PACS2: variants seen among roughly 807,000 people sequenced by gnomAD.
PACS2 encodes the protein phosphofurin acidic cluster sorting protein 2.
Under a neutral mutation model 113.0 loss-of-function variants are expected in PACS2, and 36 were observed. The observed-to-expected ratio is 0.32, with a 90% CI of 0.24 to 0.42. PACS2 has a LOEUF of 0.42. Ranked by LOEUF, PACS2 falls within the 10% of genes least tolerant of loss-of-function variation. PACS2 has a pLI of 1.00. For missense variants in PACS2, 1,015 were observed against 1,239.5 expected (o/e 0.82, Z 2.72); for synonymous variants, 589 against 536.1 (o/e 1.10, Z -1.36).
At chr14:105,381,233 G>A (rs1398596949) in intron 12 of PACS2, 134 bp downstream of exon 12, 3 of 687,892 alleles carry the variant, frequency 4.4e-6, no homozygotes, top group African/African-American at 3.7e-5. Flanking sequence ...CAGATTCAGG[G>A]CCTCGTCCTT....
At chr14:105,353,675 C>G (rs943781731) in intron 3 of PACS2, among the ~76,000 whole-genome samples, 2 of 151,946 alleles carry the variant, frequency 1.3e-5, no homozygotes, top group Admixed American at 6.6e-5. Context: ...CTCACTGCAA[C>G]CTCCACCTCC....
At chr14:105,362,177 G>A (rs1392893704) in intron 4 of PACS2, among the ~76,000 whole-genome samples, 2 of 151,974 alleles carry the variant, frequency 1.3e-5, no homozygotes, top group Non-Finnish European at 2.9e-5. Context: ...CCAGCACTTT[G>A]GGAGGCCACG....
intron 15 of PACS2, 41 bp downstream of exon 15, chr14:105,382,954 C>A: frequency 8.4e-7 from 1 of 1,196,030 alleles, no homozygotes; most frequent in South Asian, 1.2e-5. Flanking sequence ...CCAAGTACCC[C>A]TCGGGGTCCC....
Position 105,389,154 on chromosome 14 carries a change from G to C in PACS2, c.2034-807G>C, listed in dbSNP as rs2141287770. On this transcript the variant is annotated intron_variant, in intron 19 of 24. Transcript: ENST00000447393. The stretch of plus-strand genomic sequence containing the variant: ...CTGCTTGAGCTGCACACGTCGGAGG[G>C]GAAGACAGACGGGTCCCCTCAGCGG... 2 of 152,480 alleles carry C rather than the reference G, an allele frequency of 1.3e-5. 1 individual carries two copies. Among genetic ancestry groups the C allele is most frequent in the South Asian group, 4.1e-4 (2 of 4,832 alleles). 9.4% of individuals were successfully genotyped at this position (152,480 alleles called of 1,614,324 possible).
intron 4 of PACS2, among the ~76,000 whole-genome samples, chr14:105,360,492 G>A (rs1465667014): frequency 1.3e-5 from 2 of 150,192 alleles, no homozygotes; most frequent in Non-Finnish European, 3.0e-5. Flanking sequence ...GCAGTGAGCC[G>A]AGATCACGCC....
At chr14:105,350,443 C>T (rs587697501) in intron 2 of PACS2, among the ~76,000 whole-genome samples, 10 of 152,284 alleles carry the variant, frequency 6.6e-5, no homozygotes, top group South Asian at 2.1e-4. Context: ...GTGTCTTGAC[C>T]GAGAGCTTGG....
rs2059279242 is a variant in PACS2, at chr14:105,330,777, A to G, written c.119+15740A>G. 6.6e-6 allele frequency among the ~76,000 whole-genome samples: 1 copy of G among 152,236 alleles called. No individual in the cohort carries two copies. The highest frequency in any genetic ancestry group is 2.1e-4 in the South Asian group (1 of 4,830). On this transcript the variant is annotated intron_variant, in intron 1 of 24. Coordinates refer to ENST00000447393, the MANE Select transcript of PACS2 (RefSeq NM_001100913.3). This position sits in a 1 kb window ranked among gnomAD's most constrained non-coding sequence, Gnocchi z 6.9. Reference sequence around the variant, plus strand: ...GCTTCCTGACGAGTGCCCTGTGGTCAGTCATTTCTGTCCTCGCCTTTACCT... The same window carrying G: ...GCTTCCTGACGAGTGCCCTGTGGTCGGTCATTTCTGTCCTCGCCTTTACCT...
At chr14:105,341,208 G>A (rs1555401514) in intron 1 of PACS2, among the ~76,000 whole-genome samples, 1 of 152,198 alleles carries the variant, frequency 6.6e-6, no homozygotes, top group East Asian at 1.9e-4. Flanking sequence ...GGGTTTTTGT[G>A]TCTCACTCTG....
In PACS2 at chr14:105,356,245, A is replaced by G. The variant is rs375576729; in HGVS notation, c.423+1068A>G. 9.9e-4 allele frequency among the ~76,000 whole-genome samples: 151 copies of G among 152,118 alleles called. No individual in the cohort carries two copies. The South Asian group carries it at 0.028, about 28-fold the overall frequency. On this transcript the variant is annotated intron_variant, in intron 4 of 24. Transcript: ENST00000447393. The surrounding 1 kb of genome is among the most constrained non-coding windows in gnomAD (Gnocchi z 4.0). Reference sequence around the variant, plus strand: ...CCCAGATCCTCACACACCCCCACTTACGCATCCAGGACAAGTGCCAAGTAC... The same window carrying G: ...CCCAGATCCTCACACACCCCCACTTGCGCATCCAGGACAAGTGCCAAGTAC...
At chr14:105,383,148 G>A in intron 15 of PACS2, 1 of 647,648 alleles carries the variant, frequency 1.5e-6, no homozygotes, top group Non-Finnish European at 2.7e-6. Context: ...GCCTGTCCTT[G>A]GAAGCCTGGG....
intron 14 of PACS2, 22 bp downstream of exon 14, chr14:105,382,603 G>C (rs1399030298): frequency 1.4e-6 from 2 of 1,435,078 alleles, no homozygotes; most frequent in Admixed American, 3.3e-5. Context: ...GTCTCTTGGA[G>C]TGGAGGGTCA....
At chr14:105,394,056 A>AAG (rs1273855602) in intron 24 of PACS2, among the ~76,000 whole-genome samples, 54 of 144,702 alleles carry the variant, frequency 3.7e-4, no homozygotes, top group African/African-American at 1.3e-3. Flanking sequence ...AAAAAAAAAA[A>AAG]GGGGTTTTGG....
In PACS2 at chr14:105,324,235, G is replaced by A. The variant is rs1462813215; in HGVS notation, c.119+9198G>A. On this transcript the variant is annotated intron_variant, in intron 1 of 24. Coordinates refer to ENST00000447393, the MANE Select transcript of PACS2 (RefSeq NM_001100913.3). This position sits in a 1 kb window ranked among gnomAD's most constrained non-coding sequence, Gnocchi z 4.7. ...GGTCGGGGGGCTGCTGCAGAGAGCG[G>A]GTCTGCGGTCAGTCACAGTGACGGG... 1.3e-5 allele frequency among the ~76,000 whole-genome samples: 2 copies of A among 152,182 alleles called. No individual in the cohort carries two copies. Among genetic ancestry groups the A allele is most frequent in the African/African-American group, 4.8e-5 (2 of 41,428 alleles).
rs1211717462 is a variant in PACS2 at position 105,355,567 on chromosome 14, G to A, written c.423+390G>A. The stretch of plus-strand genomic sequence containing the variant: ...TTCGTGTCTGCATCCTGCTCAGCAC[G>A]TGCTCTGGCCCAGGATTGGCTGAGC... On this transcript the variant is annotated intron_variant, in intron 4 of 24. Transcript: ENST00000447393. The surrounding 1 kb of genome is among the most constrained non-coding windows in gnomAD (Gnocchi z 4.1). Among the ~76,000 whole-genome samples, 2 of 152,352 alleles carry A rather than the reference G, an allele frequency of 1.3e-5. No homozygotes were observed. The highest frequency in any genetic ancestry group is 2.1e-4 in the South Asian group (1 of 4,830).
chr14:105,352,606 C>T (rs1197577796), intron 3 of PACS2, 139 bp downstream of exon 3: 28 of 575,788 alleles, frequency 4.9e-5, no homozygotes, highest in Admixed American at 1.2e-4. Context: ...ATCAGTGTCC[C>T]CTGGGGAGAC....
chr14:105,391,461 AAAACCGAGGAGAATCCGAGACCCTCC>A, intron 21 of PACS2, 144 bp from the exon 22 acceptor site: 1 of 701,906 alleles, frequency 1.4e-6, no homozygotes, highest in Non-Finnish European at 2.4e-6. Context: ...TTGTCTTCCA[AAAACCGAGGAGAATCCGAGACCCTCC>A]CGTCTCTCAC....
intron 4 of PACS2, among the ~76,000 whole-genome samples, chr14:105,360,048 G>A (rs782820197): frequency 2.6e-5 from 4 of 152,188 alleles, no homozygotes; most frequent in Non-Finnish European, 5.9e-5. Context: ...GCAGGAGGCT[G>A]TCTCTCATAT....
At chr14:105,338,678 T>C (rs1667126478) in intron 1 of PACS2, among the ~76,000 whole-genome samples, 1 of 152,194 alleles carries the variant, frequency 6.6e-6, no homozygotes, top group South Asian at 2.1e-4. Flanking sequence ...ACTGTGACCA[T>C]GTGCCTGTGA....
In PACS2 at chr14:105,366,929, C is replaced by T. The variant is rs1272235219; in HGVS notation, c.424-284C>T. On this transcript the variant is annotated intron_variant, in intron 4 of 24. Coordinates refer to ENST00000447393, the MANE Select transcript of PACS2 (RefSeq NM_001100913.3). This position sits in a 1 kb window ranked among gnomAD's most constrained non-coding sequence, Gnocchi z 4.3. ...TGACTGTGCCTGGCACTGGCCTCTC[C>T]AGCACAGCCCAGTGCCCTCTGCTTA... 6.6e-6 allele frequency among the ~76,000 whole-genome samples: 1 copy of T among 152,176 alleles called. No individual in the cohort carries two copies. Among genetic ancestry groups the T allele is most frequent in the African/African-American group, 2.4e-5 (1 of 41,430 alleles).
Sources: gnomAD v4.1 joint callset for allele counts (sites outside exome capture counted in the v4.1 genomes callset) on GRCh38, gnomAD v4.1.1 for gene constraint, Gnocchi (gnomAD v3.1) non-coding constraint, MANE v1.5 for transcripts, NCBI Gene and HGNC (gene_info 2026-07-23, HGNC 2026-07-21) for gene names.